RBM25: variants seen among roughly 807,000 people sequenced by gnomAD.
RBM25 encodes RNA-binding protein 25.
RBM25 carries 19 observed loss-of-function variants against 120.7 expected under a neutral mutation model. That is an observed-to-expected ratio of 0.16 (90% CI 0.11 to 0.23). RBM25 has a LOEUF of 0.23. Ranked by LOEUF, RBM25 falls within the 10% of genes least tolerant of loss-of-function variation. The pLI, the probability that RBM25 is intolerant of heterozygous loss-of-function variation, is 1.00. For synonymous variants in RBM25, 390 were observed against 326.7 expected, an observed-to-expected ratio of 1.19 and a Z score of -2.09; for missense variants, 605 against 1,041.5, an observed-to-expected ratio of 0.58 and a Z score of 5.77.
intron 1 of RBM25, chr14:73,070,009 TAATAA>T (rs760998892): frequency 9.2e-5 from 14 of 152,038 alleles, no homozygotes; most frequent in Middle Eastern, 3.4e-3. Flanking sequence ...TGGCAATACT[TAATAA>T]AATGACAAAG....
At chr14:73,097,774 A>G (rs142574222) in intron 7 of RBM25, among the ~76,000 whole-genome samples, 6 of 152,284 alleles carry the variant, frequency 3.9e-5, no homozygotes, top group East Asian at 1.9e-4. Context: ...CCCTCCCTGA[A>G]CAATAATGGT....
chr14:73,117,292 C>T (rs531948390), intron 18 of RBM25, among the ~76,000 whole-genome samples: 20 of 123,744 alleles, frequency 1.6e-4, no homozygotes, highest in Admixed American at 4.4e-4. Flanking sequence ...GTGACAGTGG[C>T]GCGATCTTGG....
intron 6 of RBM25, among the ~76,000 whole-genome samples, chr14:73,094,482 C>G (rs778173429): frequency 1.3e-5 from 2 of 151,872 alleles, no homozygotes; most frequent in Non-Finnish European, 2.9e-5. Flanking sequence ...GAGTCTTGCT[C>G]TGTCGCCCAG....
intron 7 of RBM25, 81 bp from the exon 8 acceptor site, chr14:73,099,299 A>G: frequency 8.0e-7 from 1 of 1,242,454 alleles, no homozygotes; most frequent in South Asian, 1.3e-5. Flanking sequence ...CACGTCATAA[A>G]TGTATAGGGC....
At chr14:73,104,297 C>T (rs1018432331) in intron 10 of RBM25, among the ~76,000 whole-genome samples, 2 of 151,880 alleles carry the variant, frequency 1.3e-5, no homozygotes, top group African/African-American at 4.8e-5. Context: ...TACTATCTAC[C>T]TCTACCTCTG....
intron 5 of RBM25, among the ~76,000 whole-genome samples, chr14:73,086,211 G>C (rs914505637): frequency 1.1e-4 from 16 of 151,956 alleles, no homozygotes; most frequent in African/African-American, 3.9e-4. Flanking sequence ...ACTTTGGGAG[G>C]CTGAGGCAGG....
At position 73,105,853 on chromosome 14, in the gene RBM25, C is replaced by T. The variant is rs747753667; in HGVS notation, c.1155-6C>T. ...ACAGATTTGTAAAATATTTTGTTTA[C>T]ATTAGAGAAAAAAGCAGAGATCGTG... On this transcript the variant is annotated splice_region_variant and splice_polypyrimidine_tract_variant and intron_variant, in intron 10 of 18. Coordinates refer to ENST00000261973, the MANE Select transcript of RBM25 (RefSeq NM_021239.3). 22 of 1,605,500 alleles carry T rather than the reference C, an allele frequency of 1.4e-5. No individual in the cohort carries two copies. Among genetic ancestry groups the T allele is most frequent in the Admixed American group, 1.2e-4 (7 of 58,166 alleles).
At position 73,105,995 on chromosome 14, in the gene RBM25, C is replaced by T. The variant is rs1167265695; in HGVS notation, c.1291C>T (p.Arg431Trp). 3 of 1,613,392 alleles carry T rather than the reference C, an allele frequency of 1.9e-6. No homozygotes were observed. The highest frequency in any genetic ancestry group is 2.5e-6 in the Non-Finnish European group (3 of 1,179,886). The change falls in exon 11 of 19, where the codon CGG becomes TGG. Residue 431 changes from arginine (R) to tryptophan (W), a missense_variant. This residue lies in a region of RBM25 where 465 missense variants were observed against 741.6 expected (regional missense o/e 0.63). Transcript: ENST00000261973. ...REREREKDKK[R>W]DREEDEEDAY... ...GCGAGAAAGAGAAAAAGACAAAAAA[C>T]GGGACCGAGAAGAAGATGAAGAAGA... is the stretch of plus-strand genomic sequence containing the variant.
chr14:73,105,588 T>G (rs1325578029), intron 10 of RBM25, among the ~76,000 whole-genome samples: 1 of 152,236 alleles, frequency 6.6e-6, no homozygotes, highest in African/African-American at 2.4e-5. Context: ...CCATTCATTT[T>G]AATGATTTAT....
chr14:73,109,173 C>T, intron 13 of RBM25, 169 bp from the exon 14 acceptor site: 1 of 607,088 alleles, frequency 1.6e-6, no homozygotes, highest in East Asian at 3.0e-5. Context: ...TATACATTTA[C>T]ATGTAGAGAG....
intron 2 of RBM25, among the ~76,000 whole-genome samples, chr14:73,073,876 G>A (rs116029605): frequency 1.0e-3 from 153 of 152,236 alleles, no homozygotes; most frequent in African/African-American, 3.2e-3. Flanking sequence ...TTACACTACT[G>A]CTTTATTATC....
chr14:73,104,543 T>C (rs912470926), intron 10 of RBM25, among the ~76,000 whole-genome samples: 3 of 152,034 alleles, frequency 2.0e-5, no homozygotes, highest in Non-Finnish European at 2.9e-5. Context: ...TTTTTGTATT[T>C]TTTTTGTAGA....
At chr14:73,082,502 G>C (rs1451297413) in intron 4 of RBM25, among the ~76,000 whole-genome samples, 1 of 151,958 alleles carries the variant, frequency 6.6e-6, no homozygotes, top group Non-Finnish European at 1.5e-5. Flanking sequence ...TGTTGCCCAG[G>C]CTGGTCTTGA....
At chr14:73,073,495 C>A (rs925798767) in intron 2 of RBM25, among the ~76,000 whole-genome samples, 1 of 152,178 alleles carries the variant, frequency 6.6e-6, no homozygotes, top group Admixed American at 6.6e-5. Context: ...AGAGACCAGT[C>A]TGGCCAACGT....
chr14:73,112,722 T>A (rs1203885903), intron 17 of RBM25, among the ~76,000 whole-genome samples: 1 of 152,212 alleles, frequency 6.6e-6, no homozygotes, highest in Non-Finnish European at 1.5e-5. Flanking sequence ...TAACGATCAG[T>A]GTTTATTGAC....
intron 1 of RBM25, among the ~76,000 whole-genome samples, chr14:73,071,116 C>G (rs1250690635): frequency 6.6e-6 from 1 of 151,852 alleles, no homozygotes; most frequent in African/African-American, 2.4e-5. Context: ...GTGGTACGCT[C>G]CTGTAGTCCC....
intron 1 of RBM25, among the ~76,000 whole-genome samples, chr14:73,067,586 T>G (rs1895169337): frequency 6.6e-6 from 1 of 151,006 alleles, no homozygotes; most frequent in Non-Finnish European, 1.5e-5. Flanking sequence ...TGTATTTTTT[T>G]CATGTTTTAT....
intron 9 of RBM25, 163 bp from the exon 10 acceptor site, chr14:73,103,029 T>C: frequency 7.1e-7 from 1 of 1,416,308 alleles, no homozygotes. Flanking sequence ...CTTTCTAGTC[T>C]TGTGATTGCT....
intron 4 of RBM25, among the ~76,000 whole-genome samples, chr14:73,081,556 T>C (rs1204679576): frequency 6.6e-6 from 1 of 152,214 alleles, no homozygotes; most frequent in Non-Finnish European, 1.5e-5. Context: ...TTGGGTGGTT[T>C]GGATCCTATA....
Sources: allele counts gnomAD v4.1 joint callset (sites outside exome capture counted in the v4.1 genomes callset), GRCh38; gene constraint gnomAD v4.1.1; regional missense constraint gnomAD v4.1.1; transcripts MANE v1.5; gene names NCBI Gene and HGNC (gene_info 2026-07-23, HGNC 2026-07-21).